USP3: variants seen among roughly 807,000 people sequenced by gnomAD.
USP3 encodes the protein ubiquitin specific peptidase 3, also known as ubiquitin carboxyl-terminal hydrolase 3.
In USP3, 20 loss-of-function variants were observed where a neutral mutation model predicts 72.3. The ratio of observed to expected loss-of-function variants is 0.28; its 90% CI spans 0.19 to 0.40. USP3 has a LOEUF of 0.40. Ranked by LOEUF, USP3 falls within the 10% of genes least tolerant of loss-of-function variation. USP3 has a pLI of 1.00. For missense variants in USP3, 479 were observed against 633.9 expected, an observed-to-expected ratio of 0.76 and a Z score of 2.62; for synonymous variants, 222 against 225.3, an observed-to-expected ratio of 0.99 and a Z score of 0.13.
In USP3 at chr15:63,529,676, CTG is replaced by C. The variant is rs2066038554; in HGVS notation, c.92-2965_92-2964del. 6.6e-6 allele frequency among the ~76,000 whole-genome samples: 1 copy of C among 152,178 alleles called. No homozygotes were observed. Among genetic ancestry groups the C allele is most frequent in the Non-Finnish European group, 1.5e-5 (1 of 68,038 alleles). ...AAAGGAGATCACCAAATTGTGTGTA[CTG>C]TGTGTAGGTTTACAACCCTAAAGTG... On this transcript the variant is annotated intron_variant, in intron 1 of 14. Transcript: ENST00000380324. The surrounding 1 kb of genome is among the most constrained non-coding windows in gnomAD (Gnocchi z 4.2).
Position 63,537,233 on chromosome 15 carries a change from C to A in USP3, c.284+77C>A. The A allele has an allele frequency of 2.0e-6, 3 of 1,495,498 alleles. No homozygotes were observed. The South Asian group carries it at 4.1e-5, about 21-fold the overall frequency. The allele number at this position is 1,495,498 out of a possible 1,614,324, so 92.6% of individuals were successfully genotyped here. A position where few individuals can be genotyped will look rare whatever the true frequency, so the allele number is the denominator to read the frequency against. ...CTCCTCCCCTCCCTTCCCTCAGTCT[C>A]TAAGCCAGTTACTACTGCTGTTACC... On this transcript the variant is annotated intron_variant, in intron 3 of 14. Transcript: ENST00000380324.
At chr15:63,505,364 C>G (rs1255017446) in intron 1 of USP3, among the ~76,000 whole-genome samples, 22 of 152,208 alleles carry the variant, frequency 1.4e-4, no homozygotes, top group Admixed American at 1.4e-3. Flanking sequence ...CCTTTCCCTT[C>G]TCCGCAGGCT....
At chr15:63,509,785 A>G (rs1301207652) in intron 1 of USP3, among the ~76,000 whole-genome samples, 3 of 152,168 alleles carry the variant, frequency 2.0e-5, no homozygotes, top group Non-Finnish European at 4.4e-5. Context: ...CATGGATGTG[A>G]AATGTGTGAA....
chr15:63,537,831 A>G (rs1273013336), intron 3 of USP3, among the ~76,000 whole-genome samples: 1 of 152,058 alleles, frequency 6.6e-6, no homozygotes, highest in African/African-American at 2.4e-5. Context: ...GATTACAAGC[A>G]TGTGCCGCCA....
chr15:63,581,813 G>C (rs1001851763), intron 11 of USP3, among the ~76,000 whole-genome samples: 77 of 152,110 alleles, frequency 5.1e-4, no homozygotes, highest in African/African-American at 1.8e-3. Context: ...TCCCACCTCA[G>C]TCTCCTGGGA....
At chr15:63,505,000 G>T (rs2065689846) in intron 1 of USP3, among the ~76,000 whole-genome samples, 170 bp downstream of exon 1, 2 of 150,446 alleles carry the variant, frequency 1.3e-5, no homozygotes, top group African/African-American at 4.8e-5. Flanking sequence ...TGCGGGAGCG[G>T]CGGCGGCTCC....
At chr15:63,525,885 T>C (rs1432574547) in intron 1 of USP3, among the ~76,000 whole-genome samples, 3 of 152,222 alleles carry the variant, frequency 2.0e-5, no homozygotes, top group Non-Finnish European at 4.4e-5. Context: ...ACTTTCACGA[T>C]GTATGTGTGT....
At position 63,544,805 on chromosome 15, in the gene USP3, A is replaced by G. The variant is rs2066296610; in HGVS notation, c.284+7649A>G. 7 of 695,112 alleles carry G rather than the reference A, an allele frequency of 1.0e-5. No individual in the cohort carries two copies. Among genetic ancestry groups the G allele is most frequent in the African/African-American group, 1.8e-5 (1 of 56,922 alleles). 43.1% of individuals were successfully genotyped at this position (695,112 alleles called of 1,614,324 possible). ...AGGTAACACTGAAGTGAAAGGGAAG[A>G]TTGGGAGGGAAGGGGTAGGAGATAA... On this transcript the variant is annotated intron_variant, in intron 3 of 14. Coordinates refer to ENST00000380324, the MANE Select transcript of USP3 (RefSeq NM_006537.4). The surrounding 1 kb of genome is among the most constrained non-coding windows in gnomAD (Gnocchi z 4.2).
At position 63,568,369 on chromosome 15, in the gene USP3, A is replaced by G. The variant is rs201169046; in HGVS notation, c.762-2064A>G. 7.7e-4 allele frequency among the ~76,000 whole-genome samples: 117 copies of G among 151,830 alleles called. 1 individual carries two copies. In the East Asian group the frequency reaches 0.022, roughly 29 times the overall value. On this transcript the variant is annotated intron_variant, in intron 8 of 14. Coordinates refer to ENST00000380324, the MANE Select transcript of USP3 (RefSeq NM_006537.4). ...ACTCCATCTAAAAAAAAAAAAAAAA[A>G]AAATTGGAGCCAGTTATTTGCCTCT...
chr15:63,591,426 A>G lies in USP3; in HGVS notation c.*600A>G, dbSNP rs914387774. 1.3e-5 allele frequency: 2 copies of G among 152,206 alleles called. No homozygotes were observed. The highest frequency in any genetic ancestry group is 6.5e-5 in the Admixed American group (1 of 15,290). 9.4% of individuals were successfully genotyped at this position (152,206 alleles called of 1,614,324 possible). A position where few individuals can be genotyped will look rare whatever the true frequency, so the allele number is the denominator to read the frequency against. On this transcript the variant is annotated 3_prime_UTR_variant, in exon 15 of 15. Coordinates refer to ENST00000380324, the MANE Select transcript of USP3 (RefSeq NM_006537.4). ...CTGTCTTTATCAGCACTAACTAAATAAATTTGTTGGTTCAGTTGTACTTGT... is the reference window on the plus strand; with the variant it reads ...CTGTCTTTATCAGCACTAACTAAATGAATTTGTTGGTTCAGTTGTACTTGT...
intron 3 of USP3, among the ~76,000 whole-genome samples, chr15:63,549,470 A>G (rs1206617945): frequency 6.6e-6 from 1 of 152,214 alleles, no homozygotes; most frequent in Non-Finnish European, 1.5e-5. Context: ...ATCAACGTCA[A>G]ATTCAGAGGG....
chr15:63,552,676 A>C (rs1036062102), intron 3 of USP3, among the ~76,000 whole-genome samples: 2 of 152,166 alleles, frequency 1.3e-5, no homozygotes, highest in Non-Finnish European at 2.9e-5. Context: ...AATAAAAGAC[A>C]CAAGCATGCT....
intron 8 of USP3, among the ~76,000 whole-genome samples, chr15:63,566,471 C>T (rs1256008504): frequency 2.0e-5 from 3 of 151,974 alleles, no homozygotes; most frequent in Admixed American, 6.6e-5. Context: ...TGCCACCATA[C>T]CTGGCTAATT....
intron 11 of USP3, among the ~76,000 whole-genome samples, chr15:63,585,464 C>T (rs1017537248): frequency 5.3e-5 from 8 of 152,046 alleles, no homozygotes; most frequent in Non-Finnish European, 8.8e-5. Flanking sequence ...CTTTTTGATG[C>T]TACTATAAAT....
chr15:63,534,520 G>T (rs369342702), intron 2 of USP3, among the ~76,000 whole-genome samples: 23 of 152,250 alleles, frequency 1.5e-4, no homozygotes, highest in African/African-American at 5.5e-4. Context: ...AAAATGTCTA[G>T]TTAAAATCCA....
At chr15:63,535,234 C>T (rs945765353) in intron 2 of USP3, among the ~76,000 whole-genome samples, 3 of 152,268 alleles carry the variant, frequency 2.0e-5, no homozygotes, top group Admixed American at 6.5e-5. Flanking sequence ...CCCAGCCTTA[C>T]ATTTTATTAA....
At chr15:63,508,813 G>A (rs564409541) in intron 1 of USP3, among the ~76,000 whole-genome samples, 1 of 152,280 alleles carries the variant, frequency 6.6e-6, no homozygotes, top group South Asian at 2.1e-4. Context: ...ATATTTAGTA[G>A]GATAGGCATG....
chr15:63,554,076 C>T (rs941394143), intron 4 of USP3, among the ~76,000 whole-genome samples: 1 of 151,928 alleles, frequency 6.6e-6, no homozygotes, highest in Non-Finnish European at 1.5e-5. Flanking sequence ...ATAAGCTACT[C>T]AATTTATTTT....
At position 63,528,010 on chromosome 15, in the gene USP3, A is replaced by G. The variant is rs748624970; in HGVS notation, c.92-4637A>G. 3 of 152,284 alleles carry G rather than the reference A, an allele frequency of 2.0e-5. No individual in the cohort carries two copies. The highest frequency in any genetic ancestry group is 6.5e-5 in the Admixed American group (1 of 15,286). 9.4% of individuals were successfully genotyped at this position (152,284 alleles called of 1,614,324 possible). A position where few individuals can be genotyped will look rare whatever the true frequency, so the allele number is the denominator to read the frequency against. On this transcript the variant is annotated intron_variant, in intron 1 of 14. Transcript: ENST00000380324. The surrounding 1 kb of genome is among the most constrained non-coding windows in gnomAD (Gnocchi z 4.3). ...GAGAATGGCTCTAGCTCAGGAGAGGATAGAGCTTCTTCATCTCCTCCATGC... is the reference window on the plus strand; with the variant it reads ...GAGAATGGCTCTAGCTCAGGAGAGGGTAGAGCTTCTTCATCTCCTCCATGC...
Sources: allele counts gnomAD v4.1 joint callset (sites outside exome capture counted in the v4.1 genomes callset), GRCh38; gene constraint gnomAD v4.1.1; non-coding constraint Gnocchi (gnomAD v3.1); transcripts MANE v1.5; gene names NCBI Gene and HGNC (gene_info 2026-07-23, HGNC 2026-07-21).